Variants in GLB1L3 observed in about 807,000 individuals in gnomAD.
GLB1L3 encodes the protein beta-galactosidase-1-like protein 3.
In GLB1L3, 89 loss-of-function variants were observed where a neutral mutation model predicts 89.5. That is an observed-to-expected ratio of 0.99 (90% CI 0.84 to 1.19). The LOEUF is 1.19. Ranked by LOEUF, GLB1L3 falls within the 50% of genes most tolerant of loss-of-function variation. The pLI, the probability that GLB1L3 is intolerant of heterozygous loss-of-function variation, is 0.00. For missense variants in GLB1L3, 812 were observed against 813.3 expected (o/e 1.00, Z 0.02); for synonymous variants, 314 against 312.3 (o/e 1.01, Z -0.06).
At chr11:134,308,637 A>ACCAT (rs1565414813) in intron 10 of GLB1L3, among the ~76,000 whole-genome samples, 1 of 76,358 alleles carries the variant, frequency 1.3e-5, no homozygotes, top group Non-Finnish European at 2.8e-5. Context: ...ATCACCATCA[A>ACCAT]CACCATCACC....
intron 7 of GLB1L3, 54 bp downstream of exon 7, chr11:134,288,944 C>T (rs901840792): frequency 4.9e-6 from 6 of 1,229,194 alleles, no homozygotes; most frequent in East Asian, 2.4e-5. Flanking sequence ...CTCCTCTGTG[C>T]GTTTCTGATT....
intron 6 of GLB1L3, among the ~76,000 whole-genome samples, chr11:134,288,014 A>G (rs544290228): frequency 1.3e-5 from 2 of 152,268 alleles, no homozygotes; most frequent in South Asian, 4.2e-4. Context: ...GCTTTCCAGC[A>G]CTCAGGCTGC....
chr11:134,294,466 C>A (rs556054669), intron 9 of GLB1L3, among the ~76,000 whole-genome samples: 11 of 152,336 alleles, frequency 7.2e-5, no homozygotes, highest in African/African-American at 2.4e-4. Flanking sequence ...AATACCTTTG[C>A]TAAGTCTTCT....
intron 9 of GLB1L3, among the ~76,000 whole-genome samples, chr11:134,294,091 A>T (rs1426387795): frequency 6.6e-6 from 1 of 151,156 alleles, no homozygotes; most frequent in Non-Finnish European, 1.5e-5. Flanking sequence ...TTTGAGACAG[A>T]GTCTCACTCT....
At chr11:134,278,017 C>T in intron 3 of GLB1L3, 105 bp downstream of exon 3, 4 of 1,027,100 alleles carry the variant, frequency 3.9e-6, no homozygotes, top group Non-Finnish European at 5.8e-6. Flanking sequence ...GACTTACCTT[C>T]CGCACAGTCG....
At chr11:134,320,668 C>T (rs1169235998), downstream of GLB1L3, among the ~76,000 whole-genome samples, 1 of 151,526 alleles carries the variant, frequency 6.6e-6, no homozygotes, top group African/African-American at 2.4e-5. Context: ...ATAATGCTTT[C>T]AGTGCACTTA....
At chr11:134,308,187 TCATCACCATCACCACTACCAC>T (rs1565412158) in intron 10 of GLB1L3, among the ~76,000 whole-genome samples, 6 of 75,356 alleles carry the variant, frequency 8.0e-5, no homozygotes, top group Non-Finnish European at 1.5e-4. Context: ...ACCATCACCA[TCATCACCATCACCACTACCAC>T]CACCACCATC....
chr11:134,284,259 A>C (rs1010881333), intron 6 of GLB1L3, among the ~76,000 whole-genome samples: 1 of 151,836 alleles, frequency 6.6e-6, no homozygotes, highest in African/African-American at 2.4e-5. Flanking sequence ...AACCAATTTT[A>C]CTAGATTTTG....
intron 3 of GLB1L3, among the ~76,000 whole-genome samples, chr11:134,278,660 T>A (rs1940519249): frequency 6.6e-6 from 1 of 152,084 alleles, no homozygotes; most frequent in Non-Finnish European, 1.5e-5. Flanking sequence ...GCCACCACCA[T>A]TTTGTGGCAA....
At chr11:134,322,188 C>A (rs1943176593), downstream of GLB1L3, among the ~76,000 whole-genome samples, 1 of 152,102 alleles carries the variant, frequency 6.6e-6, no homozygotes, top group South Asian at 2.1e-4. Flanking sequence ...GGCAAGTAGA[C>A]TTAAAGACAG....
chr11:134,301,446 T>C (rs1480299902), intron 9 of GLB1L3, among the ~76,000 whole-genome samples: 3 of 152,214 alleles, frequency 2.0e-5, no homozygotes, highest in Non-Finnish European at 2.9e-5. Flanking sequence ...CTTCTTGTTT[T>C]TAATGGCCGT....
chr11:134,285,350 G>C (rs564934835), intron 6 of GLB1L3, among the ~76,000 whole-genome samples: 1 of 152,062 alleles, frequency 6.6e-6, no homozygotes, highest in Admixed American at 6.6e-5. Context: ...TGTACTGTGC[G>C]GTCTACAAGA....
intron 10 of GLB1L3, among the ~76,000 whole-genome samples, chr11:134,308,526 C>CCAT (rs1942502013): frequency 2.4e-5 from 2 of 84,904 alleles, no homozygotes; most frequent in African/African-American, 4.0e-5. Flanking sequence ...ACCATGTCCA[C>CCAT]CACCACTACC....
At chr11:134,312,083 CCCTGCGCCCCAT>C (rs1354736297) in intron 13 of GLB1L3, 5 of 373,638 alleles carry the variant, frequency 1.3e-5, no homozygotes, top group Non-Finnish European at 2.4e-5. Flanking sequence ...AGGCGTGAGC[CCCTGCGCCCCAT>C]CCATTTCCTC....
At chr11:134,308,227 C>T (rs796718900) in intron 10 of GLB1L3, among the ~76,000 whole-genome samples, 2 of 29,088 alleles carry the variant, frequency 6.9e-5, no homozygotes, top group Non-Finnish European at 7.7e-5. Context: ...TCACCATCAC[C>T]ACCACCACCA....
At chr11:134,302,001 CCTT>C (rs1385692538) in intron 9 of GLB1L3, among the ~76,000 whole-genome samples, 6 of 151,870 alleles carry the variant, frequency 4.0e-5, no homozygotes, top group Non-Finnish European at 8.8e-5. Flanking sequence ...ATGTTTAATG[CCTT>C]CTTATCAATT....
At chr11:134,284,855 CT>C (rs1342339247) in intron 6 of GLB1L3, among the ~76,000 whole-genome samples, 1 of 151,872 alleles carries the variant, frequency 6.6e-6, no homozygotes, top group Non-Finnish European at 1.5e-5. Context: ...GTAAGTCTAC[CT>C]GCTATTGCCC....
intron 10 of GLB1L3, among the ~76,000 whole-genome samples, chr11:134,308,314 C>T (rs1296567704): frequency 1.8e-4 from 10 of 55,260 alleles, no homozygotes; most frequent in South Asian, 8.5e-4. Flanking sequence ...ACCACCACTA[C>T]CACCACCATC....
At chr11:134,293,483 C>T (rs950734241) in intron 9 of GLB1L3, among the ~76,000 whole-genome samples, 1 of 152,094 alleles carries the variant, frequency 6.6e-6, no homozygotes, top group African/African-American at 2.4e-5. Flanking sequence ...GTTCCCTTTC[C>T]CCTGTGAAGA....
Sources: allele counts gnomAD v4.1 joint callset (sites outside exome capture counted in the v4.1 genomes callset), GRCh38; gene constraint gnomAD v4.1.1; transcripts MANE v1.5; gene names NCBI Gene and HGNC (gene_info 2026-07-23, HGNC 2026-07-21).